The following BBX variants were observed in gnomAD, a reference collection of about 807,000 sequenced individuals.
BBX encodes BBX high mobility group box domain containing.
A neutral mutation model predicts 100.2 loss-of-function variants in BBX; 30 were observed. The observed-to-expected ratio is 0.30, with a 90% CI of 0.22 to 0.41. BBX has a LOEUF of 0.41. Ranked by LOEUF, BBX falls within the 10% of genes least tolerant of loss-of-function variation. The pLI is 1.00. For missense variants in BBX, 1,023 were observed against 1,129.8 expected, an observed-to-expected ratio of 0.91 and a Z score of 1.35; for synonymous variants, 376 against 388.1, an observed-to-expected ratio of 0.97 and a Z score of 0.37.
chr3:107,777,249 G>A (rs920120708), intron 12 of BBX, among the ~76,000 whole-genome samples: 3 of 152,106 alleles, frequency 2.0e-5, no homozygotes, highest in Non-Finnish European at 4.4e-5. Context: ...TCTACTGGGG[G>A]ACTTGGAGTA....
At chr3:107,660,971 A>C (rs559724114) in intron 3 of BBX, among the ~76,000 whole-genome samples, 3 of 152,314 alleles carry the variant, frequency 2.0e-5, no homozygotes, top group Admixed American at 2.0e-4. Flanking sequence ...TGAAATGCAG[A>C]ACATCAGTTT....
intron 2 of BBX, among the ~76,000 whole-genome samples, chr3:107,615,999 C>T (rs559804049): frequency 9.4e-6 from 1 of 106,934 alleles, no homozygotes; most frequent in Non-Finnish European, 1.8e-5. Flanking sequence ...ACACGCTACT[C>T]ACCTGCTTTT....
chr3:107,797,645 G>A (rs1165862503), intron 15 of BBX, among the ~76,000 whole-genome samples: 2 of 151,924 alleles, frequency 1.3e-5, no homozygotes, highest in African/African-American at 2.4e-5. Flanking sequence ...TACACATCTT[G>A]TCTTACTTTT....
intron 3 of BBX, among the ~76,000 whole-genome samples, chr3:107,649,822 A>G (rs1559918142): frequency 6.6e-6 from 1 of 152,178 alleles, no homozygotes; most frequent in Non-Finnish European, 1.5e-5. Flanking sequence ...GCATAATCTA[A>G]TAATTAACTT....
At chr3:107,779,332 G>A (rs983980484) in intron 13 of BBX, among the ~76,000 whole-genome samples, 1 of 151,846 alleles carries the variant, frequency 6.6e-6, no homozygotes, top group Non-Finnish European at 1.5e-5. Context: ...ACCCAAAATG[G>A]CAATATTGCT....
chr3:107,576,012 G>A (rs555682368), intron 2 of BBX, among the ~76,000 whole-genome samples: 3 of 152,156 alleles, frequency 2.0e-5, no homozygotes, highest in South Asian at 4.2e-4. Flanking sequence ...TTCCAGCTTG[G>A]GTGACACAGC....
chr3:107,566,189 A>G lies in BBX; in HGVS notation c.-84+39791A>G, dbSNP rs75480229. Reference sequence around the variant, plus strand: ...AAACTCTGTCTCAAAAAAAAAAAAAAAAAAAAAAAAAAAGATAGTTTGTTG... The same window carrying G: ...AAACTCTGTCTCAAAAAAAAAAAAAGAAAAAAAAAAAAAGATAGTTTGTTG... On this transcript the variant is annotated intron_variant, in intron 2 of 17. Transcript: ENST00000325805. Among the ~76,000 whole-genome samples, 1,015 of 140,070 alleles carry G rather than the reference A, an allele frequency of 7.2e-3. 19 individuals carry two copies. Among genetic ancestry groups the G allele is most frequent in the African/African-American group, 0.022 (886 of 39,466 alleles). The allele number at this position is 140,070 out of a possible 152,430, so 91.9% of individuals were successfully genotyped here. A position where few individuals can be genotyped will look rare whatever the true frequency, so the allele number is the denominator to read the frequency against.
intron 3 of BBX, 53 bp from the exon 4 acceptor site, chr3:107,710,399 G>A: frequency 1.4e-6 from 2 of 1,420,362 alleles, no homozygotes; most frequent in Non-Finnish European, 1.9e-6. Context: ...TTATCTCGGT[G>A]TCTCTCTTTC....
chr3:107,666,658 C>T (rs1402338996), intron 3 of BBX, among the ~76,000 whole-genome samples: 17 of 152,216 alleles, frequency 1.1e-4, no homozygotes, highest in Admixed American at 9.2e-4. Context: ...CTCTGCCTCC[C>T]GGTCCCGGAT....
intron 13 of BBX, among the ~76,000 whole-genome samples, chr3:107,781,059 AG>A (rs2067832983): frequency 6.6e-6 from 1 of 151,978 alleles, no homozygotes; most frequent in South Asian, 2.1e-4. Context: ...GTGCCTTTTT[AG>A]GTACTTCAGC....
chr3:107,689,692 G>T (rs1016164102), intron 3 of BBX, among the ~76,000 whole-genome samples: 1 of 152,144 alleles, frequency 6.6e-6, no homozygotes, highest in African/African-American at 2.4e-5. Flanking sequence ...TTTGAGATAC[G>T]AATGGAAGTT....
At chr3:107,743,033 G>A (rs2064244881) in intron 7 of BBX, among the ~76,000 whole-genome samples, 1 of 152,092 alleles carries the variant, frequency 6.6e-6, no homozygotes, top group Non-Finnish European at 1.5e-5. Flanking sequence ...AAATAAGCAT[G>A]TATGTCATAT....
intron 2 of BBX, among the ~76,000 whole-genome samples, chr3:107,578,198 A>T (rs1212346429): frequency 6.6e-6 from 1 of 152,228 alleles, no homozygotes; most frequent in Non-Finnish European, 1.5e-5. Flanking sequence ...GCTCTTCTTT[A>T]AGATAAACAG....
intron 3 of BBX, among the ~76,000 whole-genome samples, chr3:107,674,046 A>G (rs1372973320): frequency 1.3e-5 from 2 of 152,196 alleles, no homozygotes; most frequent in Non-Finnish European, 1.5e-5. Context: ...TCAAACATAT[A>G]TGATAGAATT....
intron 5 of BBX, among the ~76,000 whole-genome samples, chr3:107,725,443 A>G (rs139954889): frequency 5.9e-5 from 9 of 152,152 alleles, no homozygotes; most frequent in East Asian, 5.8e-4. Context: ...TTCCAACACT[A>G]TGTTGAATAG....
chr3:107,532,002 G>T (rs1043375115), intron 2 of BBX, among the ~76,000 whole-genome samples: 2 of 152,028 alleles, frequency 1.3e-5, no homozygotes, highest in Admixed American at 1.3e-4. Context: ...AGACTAGCCC[G>T]GGCAACATAG....
chr3:107,611,499 G>C (rs1181748358), intron 2 of BBX, among the ~76,000 whole-genome samples: 1 of 152,152 alleles, frequency 6.6e-6, no homozygotes, highest in African/African-American at 2.4e-5. Flanking sequence ...ATTTTCACCA[G>C]ATATACTATT....
chr3:107,631,724 A>G (rs1490886134), intron 2 of BBX, among the ~76,000 whole-genome samples: 5 of 152,120 alleles, frequency 3.3e-5, no homozygotes, highest in Non-Finnish European at 7.4e-5. Context: ...TTTCAGTTCC[A>G]GGTCAATTTT....
intron 3 of BBX, among the ~76,000 whole-genome samples, chr3:107,659,054 C>G (rs965620809): frequency 6.6e-6 from 1 of 152,042 alleles, no homozygotes; most frequent in Non-Finnish European, 1.5e-5. Context: ...TAGATCACTA[C>G]TTTCCATTTG....
Sources: gnomAD v4.1 joint callset for allele counts (sites outside exome capture counted in the v4.1 genomes callset) on GRCh38, gnomAD v4.1.1 for gene constraint, MANE v1.5 for transcripts, NCBI Gene and HGNC (gene_info 2026-07-23, HGNC 2026-07-21) for gene names.